Variants in SH2D4A observed in about 807,000 individuals in gnomAD.
The protein encoded by SH2D4A is SH2 domain-containing protein 4A.
Under a neutral mutation model 64.7 loss-of-function variants are expected in SH2D4A, and 70 were observed. That is an observed-to-expected ratio of 1.08 (90% confidence interval 0.89 to 1.32). SH2D4A has a LOEUF of 1.32. Ranked by LOEUF, SH2D4A falls within the 40% of genes most tolerant of loss-of-function variation. SH2D4A has a pLI of 0.00. For synonymous variants in SH2D4A, 268 were observed against 200.7 expected (o/e 1.34, Z -2.83); for missense variants, 706 against 540.1 (o/e 1.31, Z -3.04).
At chr8:19,314,945 A>C (rs186853037) in intron 1 of SH2D4A, among the ~76,000 whole-genome samples, 77 of 152,360 alleles carry the variant, frequency 5.1e-4, no homozygotes, top group East Asian at 1.5e-3. Context: ...TGGACCACAG[A>C]GCTGGCTGTT....
chr8:19,339,626 A>G lies in SH2D4A; in HGVS notation c.513+4769A>G, dbSNP rs1045536879. ...GCAATACTCCTGTCCCAGCCTCTCT[A>G]GTAGCTGGGACTACAGGCACAGGCC... is the stretch of plus-strand genomic sequence containing the variant. On this transcript the variant is annotated intron_variant, in intron 4 of 9. Coordinates refer to ENST00000265807, the MANE Select transcript of SH2D4A (RefSeq NM_022071.4). 1.1e-4 allele frequency among the ~76,000 whole-genome samples: 16 copies of G among 150,510 alleles called. No individual in the cohort carries two copies. The Admixed American group carries it at 1.1e-3, about 10-fold the overall frequency.
chr8:19,318,538 C>G (rs1046634163), intron 1 of SH2D4A, among the ~76,000 whole-genome samples: 6 of 152,308 alleles, frequency 3.9e-5, no homozygotes, highest in Middle Eastern at 3.4e-3. Context: ...TTCAAGGAGC[C>G]ATGCGGTAAA....
At chr8:19,334,360 T>C (rs954768407) in intron 3 of SH2D4A, among the ~76,000 whole-genome samples, 6 of 151,952 alleles carry the variant, frequency 3.9e-5, no homozygotes, top group African/African-American at 1.5e-4. Context: ...GCAGACGGTG[T>C]GGTTCTAATA....
rs533850989 is a variant in SH2D4A, at chr8:19,388,614, C to T, written c.1049-4704C>T. ...GGCCATCTTTCATCTGATTTTTAAA[C>T]ACATTTTCCAGACACAGGAAGTTGT... On this transcript the variant is annotated intron_variant, in intron 8 of 9. Transcript: ENST00000265807. Among the ~76,000 whole-genome samples the T allele has an allele frequency of 4.6e-5, 7 of 152,322 alleles. No homozygotes were observed. The South Asian group carries it at 1.2e-3, about 27-fold the overall frequency.
At chr8:19,324,658 A>G (rs1380793540) in intron 2 of SH2D4A, among the ~76,000 whole-genome samples, 5 of 151,922 alleles carry the variant, frequency 3.3e-5, no homozygotes, top group Admixed American at 3.3e-4. Flanking sequence ...CTCTGCCTTC[A>G]TCTTGAATAT....
chr8:19,351,495 C>G (rs1047357881), intron 4 of SH2D4A, among the ~76,000 whole-genome samples: 1 of 151,764 alleles, frequency 6.6e-6, no homozygotes, highest in South Asian at 2.1e-4. Context: ...CCCAGCTACT[C>G]GGGAGGCTGA....
intron 8 of SH2D4A, among the ~76,000 whole-genome samples, chr8:19,385,844 C>G (rs889100577): frequency 2.0e-5 from 3 of 152,190 alleles, no homozygotes; most frequent in Admixed American, 6.5e-5. Context: ...TATCCTTCTA[C>G]TATTTTGCTG....
chr8:19,345,772 G>A (rs562862198), intron 4 of SH2D4A, among the ~76,000 whole-genome samples: 1 of 152,348 alleles, frequency 6.6e-6, no homozygotes, highest in South Asian at 2.1e-4. Context: ...GCATTTGGAT[G>A]TGATTTTATA....
At chr8:19,335,541 C>G (rs530280074) in intron 4 of SH2D4A, among the ~76,000 whole-genome samples, 39 of 152,316 alleles carry the variant, frequency 2.6e-4, no homozygotes, top group African/African-American at 8.9e-4. Flanking sequence ...GCTTTATGGG[C>G]CATGCCATCT....
In SH2D4A at chr8:19,364,245, T is replaced by C; in HGVS notation, c.880T>C (p.Phe294Leu). 1 of 1,614,156 alleles carries C rather than the reference T, an allele frequency of 6.2e-7. No homozygotes were observed. Residue 294 changes from phenylalanine to leucine, a missense_variant, in exon 7 of 10, where the codon TTC becomes CTC. Transcript: ENST00000265807. ...ERPPLPPKPQ[F>L]LNSGAYPQKP... ...ACCTCCCCTTCCACCCAAGCCTCAG[T>C]TCCTAAACTCAGGGGCATATCCTCA...
At chr8:19,355,789 G>C (rs748419546) in intron 4 of SH2D4A, among the ~76,000 whole-genome samples, 2 of 152,108 alleles carry the variant, frequency 1.3e-5, no homozygotes, top group African/African-American at 4.8e-5. Context: ...GCTCATTAGC[G>C]GAATTAGCAT....
chr8:19,394,610 C>T lies in SH2D4A; in HGVS notation c.1333C>T (p.Gln445Ter), dbSNP rs1453081679. 5.6e-6 allele frequency: 9 copies of T among 1,611,042 alleles called. No individual in the cohort carries two copies. In the African/African-American group the frequency reaches 6.7e-5, roughly 12 times the overall value. The change falls in exon 10 of 10, where the codon CAG becomes TAG. Residue 445 changes from glutamine (Q) to a stop codon, truncating the protein, a stop_gained. Coordinates refer to ENST00000265807, the MANE Select transcript of SH2D4A (RefSeq NM_022071.4). LOFTEE classifies it high-confidence loss of function. ...TCTCTATCCCTGTGGTCAGCAGGAC[C>T]AGCTGCCTGACTACCTGGAGCTGTT... ...LLLYPCGQQD[Q>*]LPDYLELFE
At chr8:19,354,401 A>G (rs375199647) in intron 4 of SH2D4A, among the ~76,000 whole-genome samples, 2 of 152,184 alleles carry the variant, frequency 1.3e-5, no homozygotes, top group Admixed American at 6.5e-5. Flanking sequence ...AAAATCATCA[A>G]TCATCTCCAA....
intron 3 of SH2D4A, 33 bp from the exon 4 acceptor site, chr8:19,334,653 T>C: frequency 6.4e-7 from 1 of 1,565,810 alleles, no homozygotes; most frequent in African/African-American, 1.4e-5. Context: ...TTGAAGAATG[T>C]TTTTTGAGAA....
intron 4 of SH2D4A, among the ~76,000 whole-genome samples, chr8:19,350,464 T>C (rs1241193147): frequency 6.6e-6 from 1 of 152,182 alleles, no homozygotes; most frequent in Non-Finnish European, 1.5e-5. Flanking sequence ...ACAATGTTTT[T>C]AGTTGTTGTT....
intron 1 of SH2D4A, among the ~76,000 whole-genome samples, chr8:19,316,171 C>T (rs930623191): frequency 2.0e-5 from 3 of 152,172 alleles, no homozygotes; most frequent in Non-Finnish European, 2.9e-5. Flanking sequence ...ATGGCCACAT[C>T]GTCAACGGCC....
chr8:19,371,577 C>T (rs1457213335), intron 7 of SH2D4A, among the ~76,000 whole-genome samples: 1 of 151,964 alleles, frequency 6.6e-6, no homozygotes, highest in Non-Finnish European at 1.5e-5. Flanking sequence ...GACTGGTGAC[C>T]TTCGATCATC....
chr8:19,377,646 A>C lies in SH2D4A; in HGVS notation c.1048+3986A>C, dbSNP rs1346882919. Among the ~76,000 whole-genome samples, 3 of 152,076 alleles carry C rather than the reference A, an allele frequency of 2.0e-5. No homozygotes were observed. The East Asian group carries it at 5.8e-4, about 29-fold the overall frequency. ...ACACATAGACAGGCTCATTCATTTTACCTATCATGCAGTGTTTTATTATAT... is the reference window on the plus strand; with the variant it reads ...ACACATAGACAGGCTCATTCATTTTCCCTATCATGCAGTGTTTTATTATAT... On this transcript the variant is annotated intron_variant, in intron 8 of 9. Coordinates refer to ENST00000265807, the MANE Select transcript of SH2D4A (RefSeq NM_022071.4).
chr8:19,319,846 C>A, intron 2 of SH2D4A, 118 bp downstream of exon 2: 1 of 1,029,134 alleles, frequency 9.7e-7, no homozygotes, highest in Non-Finnish European at 1.4e-6. Context: ...GCAGATGAAT[C>A]CTAAATGTTA....
Sources: gnomAD v4.1 joint callset for allele counts (sites outside exome capture counted in the v4.1 genomes callset) on GRCh38, gnomAD v4.1.1 for gene constraint, MANE v1.5 for transcripts, NCBI Gene and HGNC (gene_info 2026-07-23, HGNC 2026-07-21) for gene names.